IP6K2: variants seen among roughly 807,000 people sequenced by gnomAD.
IP6K2 encodes the protein ATP:1D-myo-inositol-hexakisphosphate phosphotransferase.
A neutral mutation model predicts 43.3 loss-of-function variants in IP6K2; 9 were observed. That is an observed-to-expected ratio of 0.21 (90% CI 0.13 to 0.36). The LOEUF (loss-of-function observed/expected upper bound fraction) is 0.36, where lower values mean the gene tolerates loss of function less well. IP6K2 is among the 10% of genes least tolerant of loss of function. IP6K2 has a pLI of 1.00. For missense variants in IP6K2, 332 were observed against 538.4 expected, an observed-to-expected ratio of 0.62 and a Z score of 3.79; for synonymous variants, 209 against 202.4, an observed-to-expected ratio of 1.03 and a Z score of -0.28.
At chr3:48,699,100 C>G (rs1297402896) in intron 1 of IP6K2, among the ~76,000 whole-genome samples, 1 of 152,166 alleles carries the variant, frequency 6.6e-6, no homozygotes, top group African/African-American at 2.4e-5. Context: ...CATGGCGTCT[C>G]TAGAGTGTGG....
At chr3:48,697,676 T>C (rs1236439707) in intron 1 of IP6K2, among the ~76,000 whole-genome samples, 1 of 150,922 alleles carries the variant, frequency 6.6e-6, no homozygotes, top group African/African-American at 2.4e-5. Flanking sequence ...TTAAACGTTT[T>C]ACTGTTTTCT....
chr3:48,694,468 A>G (rs191128787), intron 2 of IP6K2: 38 of 1,549,374 alleles, frequency 2.5e-5, no homozygotes, highest in Non-Finnish European at 2.8e-5. Flanking sequence ...CTTGATTTAC[A>G]AAAGACTCCC....
chr3:48,716,308 T>C (rs1047037133), intron 1 of IP6K2: 2 of 152,212 alleles, frequency 1.3e-5, no homozygotes, highest in African/African-American at 2.4e-5. Flanking sequence ...CTATTCAAGA[T>C]GATTTTTTGT....
At chr3:48,694,676 C>T (rs1575614628) in intron 2 of IP6K2, 27 of 1,504,752 alleles carry the variant, frequency 1.8e-5, no homozygotes, top group Non-Finnish European at 2.0e-5. Flanking sequence ...TCTGACTCAA[C>T]GCTGCTCCCC....
At chr3:48,694,232 G>C (rs1209318257) in intron 2 of IP6K2, 1 of 1,551,430 alleles carries the variant, frequency 6.4e-7, no homozygotes, top group Non-Finnish European at 8.7e-7. Context: ...AGGGGCCTTT[G>C]GCTTTGTCCT....
At chr3:48,700,591 C>A (rs1417896387) in intron 1 of IP6K2, among the ~76,000 whole-genome samples, 1 of 152,190 alleles carries the variant, frequency 6.6e-6, no homozygotes, top group Non-Finnish European at 1.5e-5. Flanking sequence ...ACAGTTTTCC[C>A]ACTCAGTCCC....
In IP6K2 at chr3:48,688,091, TTAAAA is replaced by T. The variant is rs2077495235; in HGVS notation, c.*177_*181del. 7 of 638,782 alleles carry T rather than the reference TTAAAA, an allele frequency of 1.1e-5. No homozygotes were observed. Among genetic ancestry groups the T allele is most frequent in the South Asian group, 7.7e-5 (4 of 51,788 alleles). 39.6% of individuals were successfully genotyped at this position (638,782 alleles called of 1,614,324 possible). A position where few individuals can be genotyped will look rare whatever the true frequency, so the allele number is the denominator to read the frequency against. On this transcript the variant is annotated 3_prime_UTR_variant, in exon 6 of 6. Transcript: ENST00000328631. The surrounding 1 kb of genome is among the most constrained non-coding windows in gnomAD (Gnocchi z 5.1). ...CAAATGTGGAATGTTGAAGAAATAG[TTAAAA>T]TAAATAAAGACTCCAAGCACAGCTG...
intron 1 of IP6K2, among the ~76,000 whole-genome samples, chr3:48,712,243 T>A (rs9827742): frequency 0.12 from 15,184 of 131,418 alleles, 761 homozygotes; most frequent in African/African-American, 0.18. Flanking sequence ...AAAAAAAAAA[T>A]TTTTTTTTTT....
intron 4 of IP6K2, among the ~76,000 whole-genome samples, chr3:48,691,029 A>C (rs1422553385): frequency 6.6e-6 from 1 of 152,068 alleles, no homozygotes. Flanking sequence ...ACCTAGGCTA[A>C]AGCCCACCTG....
At position 48,712,447 on chromosome 3, in the gene IP6K2, C is replaced by T. The variant is rs376186641; in HGVS notation, c.-131+4710G>A. Among the ~76,000 whole-genome samples the T allele has an allele frequency of 3.6e-4, 54 of 151,772 alleles. No homozygotes were observed. In the South Asian group the frequency reaches 0.01, roughly 29 times the overall value. On this transcript the variant is annotated intron_variant, in intron 1 of 5. Transcript: ENST00000328631. ...TTTTTTAGTAGAGACAGGGTTTCACCGTGTTAGCCAGGATGGTCTCAATCT... is the reference window on the plus strand; with the variant it reads ...TTTTTTAGTAGAGACAGGGTTTCACTGTGTTAGCCAGGATGGTCTCAATCT...
chr3:48,691,221 T>C, intron 4 of IP6K2, 86 bp downstream of exon 4: 1 of 1,158,148 alleles, frequency 8.6e-7, no homozygotes, highest in African/African-American at 1.5e-5. Context: ...TATAAAAACC[T>C]AACTTCTCTC....
rs1310470521 is a variant in IP6K2 at position 48,693,039 on chromosome 3, T to C, written c.343A>G (p.Thr115Ala). ...TCTAAGACATGATGTTTTTTGTTTG[T>C]TGTCCACCTTAGGAGCTTACTTTTT... ...EPKSKLLRWT[T>A]NKKHHVLETE... Residue 115 changes from threonine (T) to alanine (A), a missense_variant, in exon 3 of 6, where the codon ACA becomes GCA. Coordinates refer to ENST00000328631, the MANE Select transcript of IP6K2 (RefSeq NM_016291.4). The C allele has an allele frequency of 6.2e-7, 1 of 1,614,272 alleles. No individual in the cohort carries two copies.
chr3:48,692,115 G>A (rs999332727), intron 3 of IP6K2, among the ~76,000 whole-genome samples: 36 of 152,170 alleles, frequency 2.4e-4, no homozygotes, highest in African/African-American at 8.4e-4. Context: ...TTACAGGCAT[G>A]AGCCACCGCA....
intron 1 of IP6K2, among the ~76,000 whole-genome samples, chr3:48,714,476 T>A (rs1471797656): frequency 6.6e-6 from 1 of 151,904 alleles, no homozygotes; most frequent in African/African-American, 2.4e-5. Flanking sequence ...CACTGCAATC[T>A]CCACCCCCTG....
chr3:48,714,719 G>A (rs1221272610), intron 1 of IP6K2, among the ~76,000 whole-genome samples: 1 of 152,068 alleles, frequency 6.6e-6, no homozygotes, highest in Non-Finnish European at 1.5e-5. Flanking sequence ...AAAAGGTAGG[G>A]CAGGCCAGGC....
At position 48,693,185 on chromosome 3, in the gene IP6K2, A is replaced by G; in HGVS notation, c.203-6T>C. On this transcript the variant is annotated splice_polypyrimidine_tract_variant and splice_region_variant and intron_variant, in intron 2 of 5. Transcript: ENST00000328631. ...AAAGCGCACAGATACCACACCTGGAAGGGGGTGAGGAGCAGAAAGAACTTT... is the reference window on the plus strand; with the variant it reads ...AAAGCGCACAGATACCACACCTGGAGGGGGGTGAGGAGCAGAAAGAACTTT... 1 of 1,607,054 alleles carries G rather than the reference A, an allele frequency of 6.2e-7. No homozygotes were observed. The highest frequency in any genetic ancestry group is 1.1e-5 in the South Asian group (1 of 90,874).
At chr3:48,714,822 T>C (rs946879603) in intron 1 of IP6K2, among the ~76,000 whole-genome samples, 3 of 111,408 alleles carry the variant, frequency 2.7e-5, no homozygotes, top group African/African-American at 1.1e-4. Flanking sequence ...CACTTCAGCC[T>C]GGGCGACAGA....
chr3:48,695,226 A>G lies in IP6K2; in HGVS notation c.66T>C (p.Phe22=), dbSNP rs192057551. The part of the protein sequence containing the change: ...PRAKGVLLEP[F]VHQVGGHSCV... ...ATGAGTGCCCCCCGACCTGGTGGAC[A>G]AAGGGCTCCAGAAGGACGCCTTTGG... The change falls in exon 2 of 6, where the codon TTT becomes TTC. Residue 22 remains phenylalanine, a synonymous_variant. Transcript: ENST00000328631. The surrounding 1 kb of genome is among the most constrained non-coding windows in gnomAD (Gnocchi z 4.6). 1.5e-5 allele frequency: 23 copies of G among 1,576,994 alleles called. No individual in the cohort carries two copies. In the Admixed American group the frequency reaches 4.0e-4, roughly 27 times the overall value.
chr3:48,699,041 A>T (rs547025388), intron 1 of IP6K2, among the ~76,000 whole-genome samples: 4 of 152,160 alleles, frequency 2.6e-5, no homozygotes, highest in Non-Finnish European at 4.4e-5. Flanking sequence ...CTGTGTAGGT[A>T]TGTCTTACCC....
Sources: gnomAD v4.1 joint callset for allele counts (sites outside exome capture counted in the v4.1 genomes callset) on GRCh38, gnomAD v4.1.1 for gene constraint, Gnocchi (gnomAD v3.1) non-coding constraint, MANE v1.5 for transcripts, NCBI Gene and HGNC (gene_info 2026-07-23, HGNC 2026-07-21) for gene names.